SHROOM3: variants seen among roughly 807,000 people sequenced by gnomAD.
SHROOM3 encodes protein Shroom3.
A neutral mutation model predicts 138.6 loss-of-function variants in SHROOM3; 47 were observed. The ratio of observed to expected loss-of-function variants is 0.34; its 90% CI spans 0.27 to 0.43. The LOEUF is 0.43. SHROOM3 is among the 20% of genes least tolerant of loss of function. SHROOM3 has a pLI of 1.00. For synonymous variants in SHROOM3, 1,062 were observed against 1,063.3 expected (o/e 1.00, Z 0.02); for missense variants, 2,491 against 2,596.5 (o/e 0.96, Z 0.88).
At chr4:76,773,951 T>C (rs10518156) in intron 10 of SHROOM3, among the ~76,000 whole-genome samples, 8,840 of 152,238 alleles carry the variant, frequency 0.058, 294 homozygotes, top group Non-Finnish European at 0.07. Flanking sequence ...GAACTAACTT[T>C]GTGACTTACT....
intron 2 of SHROOM3, among the ~76,000 whole-genome samples, chr4:76,631,637 AGTATGACAGAAGC>A (rs1470561782): frequency 5.9e-5 from 9 of 152,208 alleles, no homozygotes; most frequent in African/African-American, 2.2e-4. Flanking sequence ...CAATCTTAGC[AGTATGACAGAAGC>A]ACAGCGAGCA....
intron 1 of SHROOM3, among the ~76,000 whole-genome samples, chr4:76,462,581 G>A (rs1240226645): frequency 3.3e-5 from 5 of 152,268 alleles, no homozygotes; most frequent in Admixed American, 1.3e-4. Context: ...GATTATGGGG[G>A]TGGATTTTCC....
chr4:76,770,330 A>C (rs919748852), intron 9 of SHROOM3, among the ~76,000 whole-genome samples: 28 of 111,242 alleles, frequency 2.5e-4, no homozygotes, highest in Non-Finnish European at 5.0e-4. Flanking sequence ...GTCTCAAAAA[A>C]AAAAAAAAAA....
chr4:76,654,200 T>G (rs750385351), intron 2 of SHROOM3, among the ~76,000 whole-genome samples: 1 of 152,074 alleles, frequency 6.6e-6, no homozygotes, highest in Non-Finnish European at 1.5e-5. Context: ...AGTGTTGCAG[T>G]TAACGTCGAA....
chr4:76,447,023 C>A (rs546347569), intron 1 of SHROOM3, among the ~76,000 whole-genome samples: 9 of 152,306 alleles, frequency 5.9e-5, no homozygotes, highest in Non-Finnish European at 1.0e-4. Context: ...TCTCTTGGCA[C>A]GATCCTGGGA....
Position 76,755,179 on chromosome 4 carries a change from G to A in SHROOM3, c.4696G>A (p.Gly1566Arg). The A allele has an allele frequency of 1.9e-6, 3 of 1,613,784 alleles. No homozygotes were observed. The highest frequency in any genetic ancestry group is 1.6e-4 in the Middle Eastern group (1 of 6,062). ...GCAGCTGGACAGTGAGGATCCCGAG[G>A]GGCCACGCCCCAGGTGAGTGAGCAG... ...EAQLDSEDPE[G>R]PRPSFNKLSK... The change falls in exon 7 of 11, where the codon GGG becomes AGG. Residue 1566 changes from glycine to arginine, a missense_variant. Around this residue, in one of 4 missense-constraint regions of SHROOM3, gnomAD observed 470 missense variants for 595.0 expected, o/e 0.79. Transcript: ENST00000296043.
chr4:76,464,295 G>T (rs1315257984), intron 1 of SHROOM3, among the ~76,000 whole-genome samples: 5 of 152,192 alleles, frequency 3.3e-5, no homozygotes, highest in Non-Finnish European at 7.3e-5. Flanking sequence ...TGCCCTGCTG[G>T]GTTTCGCACT....
chr4:76,493,525 G>A (rs1360389094), intron 1 of SHROOM3, among the ~76,000 whole-genome samples: 4 of 152,166 alleles, frequency 2.6e-5, no homozygotes, highest in Non-Finnish European at 5.9e-5. Flanking sequence ...TGTCCTGGGA[G>A]GGGCTGAGTA....
At chr4:76,729,520 T>C (rs1159309432) in intron 3 of SHROOM3, among the ~76,000 whole-genome samples, 3 of 152,240 alleles carry the variant, frequency 2.0e-5, no homozygotes, top group Non-Finnish European at 4.4e-5. Context: ...TGTGTTTTGT[T>C]TTGTTTTTAA....
At chr4:76,777,234 G>T (rs1722598148) in intron 10 of SHROOM3, among the ~76,000 whole-genome samples, 1 of 152,178 alleles carries the variant, frequency 6.6e-6, no homozygotes, top group African/African-American at 2.4e-5. Context: ...CATGAGCACA[G>T]GATATGTTTC....
intron 2 of SHROOM3, among the ~76,000 whole-genome samples, chr4:76,605,504 T>C (rs182445331): frequency 3.3e-5 from 5 of 152,276 alleles, no homozygotes; most frequent in East Asian, 1.9e-4. Flanking sequence ...AACAGGCAGG[T>C]ATGACTCATT....
chr4:76,731,065 CT>C, intron 4 of SHROOM3, 130 bp downstream of exon 4: 1 of 1,284,354 alleles, frequency 7.8e-7, no homozygotes, highest in Non-Finnish European at 1.1e-6. Context: ...TCTCTATCCA[CT>C]GCTTTTCTCA....
chr4:76,657,425 C>T (rs1349406276), intron 2 of SHROOM3, among the ~76,000 whole-genome samples: 2 of 152,144 alleles, frequency 1.3e-5, no homozygotes, highest in Non-Finnish European at 2.9e-5. Context: ...GACTTTTCCT[C>T]CTGGTAAATG....
intron 2 of SHROOM3, among the ~76,000 whole-genome samples, chr4:76,654,799 T>C (rs2110090090): frequency 6.6e-6 from 1 of 152,314 alleles, no homozygotes; most frequent in South Asian, 2.1e-4. Context: ...AAATATATAG[T>C]GATGGTAATT....
At chr4:76,579,286 G>C (rs1733999007) in intron 2 of SHROOM3, among the ~76,000 whole-genome samples, 1 of 151,980 alleles carries the variant, frequency 6.6e-6, no homozygotes, top group Non-Finnish European at 1.5e-5. Flanking sequence ...GGCTAACACG[G>C]TGAAACCCTG....
intron 2 of SHROOM3, among the ~76,000 whole-genome samples, chr4:76,639,871 A>G (rs999337545): frequency 3.3e-5 from 5 of 152,170 alleles, no homozygotes; most frequent in Non-Finnish European, 7.4e-5. Context: ...CCCTAAAGGA[A>G]TCTTATTTCT....
intron 2 of SHROOM3, among the ~76,000 whole-genome samples, chr4:76,591,163 G>A (rs943906182): frequency 3.3e-5 from 5 of 152,302 alleles, no homozygotes; most frequent in African/African-American, 1.2e-4. Flanking sequence ...AGGCATGCCA[G>A]ACAGAGACAA....
At chr4:76,771,157 G>A (rs1722344894) in intron 10 of SHROOM3, among the ~76,000 whole-genome samples, 1 of 152,160 alleles carries the variant, frequency 6.6e-6, no homozygotes, top group Non-Finnish European at 1.5e-5. Context: ...CTGAGGTCAG[G>A]AGTTCAAGAC....
chr4:76,554,927 G>A (rs1425356118), intron 1 of SHROOM3, among the ~76,000 whole-genome samples: 3 of 151,754 alleles, frequency 2.0e-5, no homozygotes, highest in East Asian at 3.9e-4. Context: ...ACAGGAGCCC[G>A]AACCCTATTG....
Sources: allele counts gnomAD v4.1 joint callset (sites outside exome capture counted in the v4.1 genomes callset), GRCh38; gene constraint gnomAD v4.1.1; regional missense constraint gnomAD v4.1.1; transcripts MANE v1.5; gene names NCBI Gene and HGNC (gene_info 2026-07-23, HGNC 2026-07-21).